Variants in DOCK2 observed in about 807,000 individuals in gnomAD.
DOCK2 encodes dedicator of cytokinesis protein 2.
Under a neutral mutation model 248.9 loss-of-function variants are expected in DOCK2, and 87 were observed. The ratio of observed to expected loss-of-function variants is 0.35; its 90% CI spans 0.29 to 0.42. DOCK2 has a LOEUF of 0.42. Ranked by LOEUF, DOCK2 falls within the 10% of genes least tolerant of loss-of-function variation. The pLI is 1.00. For missense variants in DOCK2, 1,747 were observed against 2,300.2 expected (o/e 0.76, Z 4.92); for synonymous variants, 805 against 821.6 (o/e 0.98, Z 0.35).
At chr5:170,066,038 G>T (rs185801804) in intron 44 of DOCK2, among the ~76,000 whole-genome samples, 2 of 145,302 alleles carry the variant, frequency 1.4e-5, no homozygotes, top group Non-Finnish European at 3.0e-5. Context: ...TGCAAGCTCC[G>T]CCTCCTGGGC....
intron 32 of DOCK2, among the ~76,000 whole-genome samples, chr5:170,016,625 C>T (rs555864555): frequency 1.3e-5 from 2 of 152,204 alleles, no homozygotes; most frequent in Admixed American, 6.5e-5. Context: ...TAAGAAATCA[C>T]GGGTCTACAG....
intron 46 of DOCK2, among the ~76,000 whole-genome samples, chr5:170,070,521 C>G (rs1401334567): frequency 6.6e-6 from 1 of 152,142 alleles, no homozygotes; most frequent in Non-Finnish European, 1.5e-5. Flanking sequence ...CCTGTGAAGC[C>G]CAAATATCCC....
intron 2 of DOCK2, among the ~76,000 whole-genome samples, chr5:169,662,965 C>G (rs967170175): frequency 2.6e-5 from 4 of 152,190 alleles, no homozygotes; most frequent in African/African-American, 9.6e-5. Flanking sequence ...AAGGCCAAGT[C>G]CAAAGTCTCA....
chr5:169,693,724 C>G (rs898591117), intron 9 of DOCK2, among the ~76,000 whole-genome samples: 2 of 152,108 alleles, frequency 1.3e-5, no homozygotes, highest in Non-Finnish European at 2.9e-5. Context: ...ATGAACAGCC[C>G]TTGTACCAGT....
intron 33 of DOCK2, among the ~76,000 whole-genome samples, chr5:170,020,799 G>A (rs955350628): frequency 6.6e-6 from 1 of 152,178 alleles, no homozygotes; most frequent in Admixed American, 6.5e-5. Flanking sequence ...CCCTAAATAT[G>A]TCCATGAAGC....
intron 27 of DOCK2, among the ~76,000 whole-genome samples, chr5:169,902,978 G>A (rs531857289): frequency 7.9e-5 from 12 of 152,080 alleles, no homozygotes; most frequent in Admixed American, 2.0e-4. Flanking sequence ...CATGCCTGTA[G>A]TCCCAGCTAC....
intron 3 of DOCK2, among the ~76,000 whole-genome samples, chr5:169,669,977 G>C (rs528018040): frequency 6.6e-6 from 1 of 152,174 alleles, no homozygotes; most frequent in Non-Finnish European, 1.5e-5. Context: ...ATGCTGTGTC[G>C]GGAGGGATGG....
Position 169,966,495 on chromosome 5 carries a change from A to G in DOCK2, c.2800-16573A>G, listed in dbSNP as rs185063821. Among the ~76,000 whole-genome samples, 340 of 152,354 alleles carry G rather than the reference A, an allele frequency of 2.2e-3. No homozygotes were observed. In the Middle Eastern group the frequency reaches 0.027, roughly 12 times the overall value. The stretch of plus-strand genomic sequence containing the variant: ...GGGAATGTAATCACATTCAATCTAT[A>G]TAAGATCCCCATGAAGTCAGCATTA... On this transcript the variant is annotated intron_variant, in intron 27 of 51. Coordinates refer to ENST00000520908, the MANE Select transcript of DOCK2 (RefSeq NM_004946.3).
rs531170192 is a variant in DOCK2 at position 169,916,582 on chromosome 5, C to T, written c.2800-66486C>T. Among the ~76,000 whole-genome samples the T allele has an allele frequency of 1.2e-4, 19 of 152,288 alleles. No homozygotes were observed. In the South Asian group the frequency reaches 3.9e-3, roughly 32 times the overall value. ...TATAAAGTGGAGACAATGATAGTAC[C>T]TCCTTCATAGGATGAAACAAGTTAA... On this transcript the variant is annotated intron_variant, in intron 27 of 51. Coordinates refer to ENST00000520908, the MANE Select transcript of DOCK2 (RefSeq NM_004946.3).
chr5:169,910,329 T>C (rs1774524919), intron 27 of DOCK2, among the ~76,000 whole-genome samples: 1 of 152,208 alleles, frequency 6.6e-6, no homozygotes, highest in Non-Finnish European at 1.5e-5. Flanking sequence ...TTGAGCCCTG[T>C]AATTAGGTAA....
chr5:169,889,932 C>T (rs529562593), intron 27 of DOCK2, among the ~76,000 whole-genome samples: 41 of 152,298 alleles, frequency 2.7e-4, no homozygotes, highest in Non-Finnish European at 4.0e-4. Flanking sequence ...GACACATTGC[C>T]GTGTCCCTTC....
chr5:169,755,105 T>A (rs575085429), intron 23 of DOCK2, among the ~76,000 whole-genome samples: 1 of 151,596 alleles, frequency 6.6e-6, no homozygotes, highest in South Asian at 2.1e-4. Flanking sequence ...GCCTGGGTAT[T>A]TTTTTTACAT....
At chr5:169,999,655 A>G (rs1489461560) in intron 30 of DOCK2, among the ~76,000 whole-genome samples, 9 of 152,178 alleles carry the variant, frequency 5.9e-5, no homozygotes. Context: ...CTATTTATTG[A>G]AAAGTACCCA....
chr5:170,077,182 G>T (rs1012293178), intron 47 of DOCK2, among the ~76,000 whole-genome samples: 2 of 152,180 alleles, frequency 1.3e-5, no homozygotes, highest in African/African-American at 4.8e-5. Context: ...TCCCCCTTCT[G>T]GCACATTGAT....
chr5:169,771,643 C>T (rs1165363100), intron 25 of DOCK2, among the ~76,000 whole-genome samples: 1 of 152,118 alleles, frequency 6.6e-6, no homozygotes, highest in Non-Finnish European at 1.5e-5. Context: ...TTAATATATT[C>T]TTTCTACTTA....
intron 25 of DOCK2, among the ~76,000 whole-genome samples, chr5:169,794,163 C>T (rs892948608): frequency 3.3e-5 from 5 of 152,138 alleles, no homozygotes; most frequent in Middle Eastern, 3.2e-3. Context: ...GTCCACCCGC[C>T]GGGTCTGAAC....
rs182303552 is a variant in DOCK2 at position 169,688,017 on chromosome 5, C to T, written c.762-1235C>T. Among the ~76,000 whole-genome samples, 255 of 152,298 alleles carry T rather than the reference C, an allele frequency of 1.7e-3. 2 individuals are homozygous for T. Among genetic ancestry groups the T allele is most frequent in the African/African-American group, 5.7e-3 (236 of 41,548 alleles). On this transcript the variant is annotated intron_variant, in intron 8 of 51. Coordinates refer to ENST00000520908, the MANE Select transcript of DOCK2 (RefSeq NM_004946.3). ...TCAGCTCACTGCAACCTCCACCTCC[C>T]GGGTTCAAGTGATTCTTCTGCCTCA...
chr5:169,682,930 T>G (rs1392331974), intron 7 of DOCK2, among the ~76,000 whole-genome samples: 4 of 152,218 alleles, frequency 2.6e-5, no homozygotes, highest in Non-Finnish European at 5.9e-5. Context: ...CAGCAAGATG[T>G]TTTTGAGGTT....
chr5:170,041,025 G>A (rs752185479), intron 36 of DOCK2, 30 bp from the exon 37 acceptor site: 1 of 1,600,498 alleles, frequency 6.2e-7, no homozygotes, highest in South Asian at 1.1e-5. Flanking sequence ...ACTGCACCTG[G>A]TAGCTTACTG....
Sources: allele counts gnomAD v4.1 joint callset (sites outside exome capture counted in the v4.1 genomes callset), GRCh38; gene constraint gnomAD v4.1.1; transcripts MANE v1.5; gene names NCBI Gene and HGNC (gene_info 2026-07-23, HGNC 2026-07-21).